AGBL4: variants seen among roughly 807,000 people sequenced by gnomAD.
The protein encoded by AGBL4 is AGBL carboxypeptidase 4.
A neutral mutation model predicts 66.4 loss-of-function variants in AGBL4; 58 were observed. That is an observed-to-expected ratio of 0.87 (90% CI 0.71 to 1.09). AGBL4 has a LOEUF of 1.09. Ranked by LOEUF, AGBL4 falls within the 50% of genes least tolerant of loss-of-function variation. The pLI is 0.00. For missense variants in AGBL4, 579 were observed against 631.0 expected, an observed-to-expected ratio of 0.92 and a Z score of 0.88; for synonymous variants, 234 against 222.9, an observed-to-expected ratio of 1.05 and a Z score of -0.44.
chr1:49,255,680 A>C (rs1652427690), intron 3 of AGBL4, among the ~76,000 whole-genome samples: 1 of 152,234 alleles, frequency 6.6e-6, no homozygotes, highest in Admixed American at 6.5e-5. Context: ...TCAAAGGAAT[A>C]TAAATCATTC....
intron 3 of AGBL4, among the ~76,000 whole-genome samples, chr1:49,339,089 G>T (rs1003466782): frequency 1.3e-5 from 2 of 152,076 alleles, no homozygotes; most frequent in African/African-American, 4.8e-5. Flanking sequence ...TATATTTAGA[G>T]TTGGTAATGG....
At chr1:49,564,373 T>G (rs1012379912) in intron 3 of AGBL4, among the ~76,000 whole-genome samples, 2 of 152,172 alleles carry the variant, frequency 1.3e-5, no homozygotes, top group Non-Finnish European at 2.9e-5. Context: ...TGCTATTGCT[T>G]CTCTAGTTCT....
intron 7 of AGBL4, among the ~76,000 whole-genome samples, chr1:48,661,233 C>T (rs1485103162): frequency 1.3e-5 from 2 of 152,140 alleles, no homozygotes; most frequent in Non-Finnish European, 2.9e-5. Flanking sequence ...AAGCAGGTGG[C>T]AGGAGGGAGT....
chr1:48,611,695 A>G (rs1645241468), intron 9 of AGBL4, among the ~76,000 whole-genome samples: 1 of 152,190 alleles, frequency 6.6e-6, no homozygotes, highest in Non-Finnish European at 1.5e-5. Flanking sequence ...TCACTTGCCC[A>G]AGATCACACA....
chr1:49,826,528 G>A (rs1295292986), intron 2 of AGBL4, among the ~76,000 whole-genome samples: 2 of 152,168 alleles, frequency 1.3e-5, no homozygotes, highest in African/African-American at 4.8e-5. Flanking sequence ...ATGAGTTGAT[G>A]ACAAAGCAAG....
At chr1:49,187,705 T>C (rs1482148334) in intron 4 of AGBL4, 1 of 152,160 alleles carries the variant, frequency 6.6e-6, no homozygotes, top group Non-Finnish European at 1.5e-5. Context: ...CCCTTCACTA[T>C]GCGGCTCATG....
At chr1:49,743,960 C>G (rs1233937267) in intron 2 of AGBL4, among the ~76,000 whole-genome samples, 2 of 151,080 alleles carry the variant, frequency 1.3e-5, no homozygotes. Context: ...TGTTAAATGA[C>G]GAGTTAGTGG....
intron 3 of AGBL4, among the ~76,000 whole-genome samples, chr1:49,502,971 AT>A (rs1364314894): frequency 6.6e-6 from 1 of 152,150 alleles, no homozygotes; most frequent in African/African-American, 2.4e-5. Flanking sequence ...TGAGCCAAAT[AT>A]TAATCAGCAA....
chr1:48,797,065 AATATGCACC>A (rs1645694506), intron 6 of AGBL4, among the ~76,000 whole-genome samples: 1 of 152,210 alleles, frequency 6.6e-6, no homozygotes. Flanking sequence ...CCTTAAAGGC[AATATGCACC>A]CTTACGTGAA....
chr1:49,281,755 G>A (rs1270595388), intron 3 of AGBL4, among the ~76,000 whole-genome samples: 1 of 152,216 alleles, frequency 6.6e-6, no homozygotes, highest in Non-Finnish European at 1.5e-5. Flanking sequence ...TAAAAGGACA[G>A]GATTCAGAAA....
intron 3 of AGBL4, among the ~76,000 whole-genome samples, chr1:49,621,035 G>A (rs1645350724): frequency 1.3e-5 from 2 of 152,084 alleles, no homozygotes; most frequent in Admixed American, 1.3e-4. Flanking sequence ...TGACATGTTT[G>A]CAGTAACATT....
chr1:49,349,645 A>T (rs1645708508), intron 3 of AGBL4, among the ~76,000 whole-genome samples: 1 of 152,126 alleles, frequency 6.6e-6, no homozygotes, highest in African/African-American at 2.4e-5. Flanking sequence ...TACTTTTTGG[A>T]TAAATTTCTT....
intron 3 of AGBL4, among the ~76,000 whole-genome samples, chr1:49,488,084 T>C (rs1647106501): frequency 6.6e-6 from 1 of 151,970 alleles, no homozygotes; most frequent in Non-Finnish European, 1.5e-5. Flanking sequence ...CTTTGTTGAA[T>C]TTTAAAATTT....
At chr1:49,425,168 A>G (rs1225338437) in intron 3 of AGBL4, among the ~76,000 whole-genome samples, 1 of 152,216 alleles carries the variant, frequency 6.6e-6, no homozygotes, top group Non-Finnish European at 1.5e-5. Flanking sequence ...ATGTACGAAG[A>G]AAACTTGATA....
At chr1:49,500,184 T>C (rs775368072) in intron 3 of AGBL4, among the ~76,000 whole-genome samples, 23 of 151,968 alleles carry the variant, frequency 1.5e-4, no homozygotes, top group South Asian at 8.3e-4. Flanking sequence ...CTTTTGAGAA[T>C]TGTCTATTCA....
intron 6 of AGBL4, among the ~76,000 whole-genome samples, chr1:48,779,049 A>G (rs1274559426): frequency 6.6e-6 from 1 of 152,194 alleles, no homozygotes; most frequent in African/African-American, 2.4e-5. Flanking sequence ...ACTGATCCTC[A>G]GTGAGTTTTT....
At chr1:48,772,781 G>A (rs1644901021) in intron 6 of AGBL4, among the ~76,000 whole-genome samples, 1 of 152,218 alleles carries the variant, frequency 6.6e-6, no homozygotes, top group African/African-American at 2.4e-5. Context: ...AAGAGCTGAT[G>A]CTGACCTGAA....
At chr1:48,977,142 A>G (rs918835980) in intron 5 of AGBL4, among the ~76,000 whole-genome samples, 1 of 152,150 alleles carries the variant, frequency 6.6e-6, no homozygotes, top group African/African-American at 2.4e-5. Flanking sequence ...AAGGCTAACA[A>G]TGCATGAATA....
intron 9 of AGBL4, among the ~76,000 whole-genome samples, chr1:48,619,258 G>A (rs1645369664): frequency 6.6e-6 from 1 of 152,226 alleles, no homozygotes; most frequent in South Asian, 2.1e-4. Flanking sequence ...GTGCAGAGGT[G>A]ACGGAAACAA....
Sources: gnomAD v4.1 joint callset for allele counts (sites outside exome capture counted in the v4.1 genomes callset) on GRCh38, gnomAD v4.1.1 for gene constraint, MANE v1.5 for transcripts, NCBI Gene and HGNC (gene_info 2026-07-23, HGNC 2026-07-21) for gene names.